The following HHAT variants were observed in gnomAD, a reference collection of about 807,000 sequenced individuals.
The protein encoded by HHAT is hedgehog acyltransferase, also known as protein-cysteine N-palmitoyltransferase HHAT.
A neutral mutation model predicts 70.8 loss-of-function variants in HHAT; 47 were observed. The ratio of observed to expected loss-of-function variants is 0.66; its 90% confidence interval spans 0.53 to 0.85. HHAT has a LOEUF of 0.85. Ranked by LOEUF, HHAT falls within the 40% of genes least tolerant of loss-of-function variation. The pLI, the probability that HHAT is intolerant of heterozygous loss-of-function variation, is 0.00. For missense variants in HHAT, 609 were observed against 604.8 expected (o/e 1.01, Z -0.07); for synonymous variants, 228 against 247.6 (o/e 0.92, Z 0.74).
intron 3 of HHAT, among the ~76,000 whole-genome samples, chr1:210,367,591 A>G (rs1427232762): frequency 2.0e-5 from 3 of 152,184 alleles, no homozygotes; most frequent in African/African-American, 7.2e-5. Context: ...ATGGTTAGAA[A>G]AGGGAAGAAT....
At chr1:210,445,371 CT>C (rs2093614723) in intron 7 of HHAT, among the ~76,000 whole-genome samples, 1 of 152,176 alleles carries the variant, frequency 6.6e-6, no homozygotes, top group African/African-American at 2.4e-5. Flanking sequence ...TTTCAACCTA[CT>C]TTGAAAGCTT....
chr1:210,340,242 G>GGGGGAAAAAAA (rs1553313987), intron 1 of HHAT, among the ~76,000 whole-genome samples: 1 of 99,784 alleles, frequency 1.0e-5, no homozygotes, highest in African/African-American at 3.4e-5. Flanking sequence ...CTCTGTCTCA[G>GGGGGAAAAAAA]AAAAAAAAAA....
At chr1:210,620,879 T>G (rs1668681601) in intron 10 of HHAT, among the ~76,000 whole-genome samples, 1 of 144,782 alleles carries the variant, frequency 6.9e-6, no homozygotes, top group Non-Finnish European at 1.5e-5. Flanking sequence ...CCTTCACAGT[T>G]GGTATGATTT....
chr1:210,643,282 C>G (rs887437995), intron 11 of HHAT, among the ~76,000 whole-genome samples: 4 of 152,140 alleles, frequency 2.6e-5, no homozygotes, highest in African/African-American at 9.7e-5. Flanking sequence ...TCGGAAACAT[C>G]TTGTCAGTTT....
intron 8 of HHAT, among the ~76,000 whole-genome samples, chr1:210,493,238 G>A (rs2094578614): frequency 1.3e-5 from 2 of 152,006 alleles, no homozygotes; most frequent in African/African-American, 4.8e-5. Context: ...GCACTCACAT[G>A]TATGTATGTG....
chr1:210,613,572 T>C (rs4348784), intron 10 of HHAT, among the ~76,000 whole-genome samples: 104,224 of 152,058 alleles, frequency 0.69, 38,721 homozygotes, highest in East Asian at 0.94. Context: ...TTTGTTCTGC[T>C]TTTTCAAGGT....
chr1:210,499,966 T>G (rs376741698), intron 8 of HHAT, among the ~76,000 whole-genome samples: 37 of 152,322 alleles, frequency 2.4e-4, no homozygotes, highest in African/African-American at 8.9e-4. Flanking sequence ...TTTTCAAAAT[T>G]TGTAAGTATC....
At chr1:210,651,087 G>A (rs1675035250) in intron 11 of HHAT, among the ~76,000 whole-genome samples, 1 of 152,172 alleles carries the variant, frequency 6.6e-6, no homozygotes, top group African/African-American at 2.4e-5. Context: ...CTGATCACAG[G>A]AGAAAGAGAA....
chr1:210,527,060 G>A (rs1398266819), intron 9 of HHAT, among the ~76,000 whole-genome samples: 1 of 152,076 alleles, frequency 6.6e-6, no homozygotes, highest in Non-Finnish European at 1.5e-5. Context: ...AACTCTTGGT[G>A]GGCTTTTGGA....
intron 11 of HHAT, among the ~76,000 whole-genome samples, chr1:210,626,097 A>G (rs780623332): frequency 1.3e-5 from 2 of 152,176 alleles, no homozygotes; most frequent in African/African-American, 2.4e-5. Context: ...CAAGGGCGTA[A>G]AGATTGTATG....
At chr1:210,662,765 T>C (rs1473085061) in intron 11 of HHAT, among the ~76,000 whole-genome samples, 1 of 152,140 alleles carries the variant, frequency 6.6e-6, no homozygotes, top group Admixed American at 6.5e-5. Flanking sequence ...TGGAATGATT[T>C]TACTTCATGG....
At chr1:210,568,912 G>C (rs1013932186) in intron 9 of HHAT, among the ~76,000 whole-genome samples, 1 of 152,138 alleles carries the variant, frequency 6.6e-6, no homozygotes, top group Non-Finnish European at 1.5e-5. Flanking sequence ...ATCAGAAATG[G>C]GGCTCAGTTT....
At chr1:210,384,294 T>A (rs1558405490) in intron 3 of HHAT, among the ~76,000 whole-genome samples, 1 of 152,162 alleles carries the variant, frequency 6.6e-6, no homozygotes, top group Non-Finnish European at 1.5e-5. Flanking sequence ...AACGGGAGGA[T>A]GACTGCTCTG....
chr1:210,634,599 G>T (rs1671515854), intron 11 of HHAT, among the ~76,000 whole-genome samples: 1 of 152,148 alleles, frequency 6.6e-6, no homozygotes, highest in African/African-American at 2.4e-5. Context: ...GACAGTCATT[G>T]GGTTTCTTTT....
At chr1:210,378,307 A>G (rs79733016) in intron 3 of HHAT, among the ~76,000 whole-genome samples, 5,631 of 152,328 alleles carry the variant, frequency 0.037, 353 homozygotes, top group African/African-American at 0.13. Flanking sequence ...ACTCAGTGTA[A>G]TTAGAAATTA....
rs181504142 is a variant in HHAT at position 210,551,935 on chromosome 1, A to G, written c.1044-35963A>G. Among the ~76,000 whole-genome samples, 643 of 152,330 alleles carry G rather than the reference A, an allele frequency of 4.2e-3. 7 individuals carry two copies. Among genetic ancestry groups the G allele is most frequent in the African/African-American group, 0.014 (593 of 41,566 alleles). Reference sequence around the variant, plus strand: ...AGTGATGATTTTCTGCCAAGTGGCTAAAATAGAATCAGATTGGAACATGAG... The same window carrying G: ...AGTGATGATTTTCTGCCAAGTGGCTGAAATAGAATCAGATTGGAACATGAG... On this transcript the variant is annotated intron_variant, in intron 9 of 11. Coordinates refer to ENST00000261458, the MANE Select transcript of HHAT (RefSeq NM_018194.6).
At chr1:210,382,536 C>T (rs552074730) in intron 3 of HHAT, among the ~76,000 whole-genome samples, 26 of 152,276 alleles carry the variant, frequency 1.7e-4, no homozygotes, top group African/African-American at 5.5e-4. Flanking sequence ...AGTCAAGGTT[C>T]TTGCTCTCAG....
At position 210,380,088 on chromosome 1, in the gene HHAT, ATAGT is replaced by A. The variant is rs1189162214; in HGVS notation, c.160-7378_160-7375del. Among the ~76,000 whole-genome samples the A allele has an allele frequency of 2.0e-5, 3 of 152,338 alleles. No individual in the cohort carries two copies. In the East Asian group the frequency reaches 5.8e-4, roughly 29 times the overall value. ...CTGTGCTGATACCAGGTTCCTAAAA[ATAGT>A]TTGACTCATTGTATAATCATTCAAA... On this transcript the variant is annotated intron_variant, in intron 3 of 11. Coordinates refer to ENST00000261458, the MANE Select transcript of HHAT (RefSeq NM_018194.6).
intron 3 of HHAT, among the ~76,000 whole-genome samples, chr1:210,366,546 G>A (rs1025543875): frequency 5.9e-5 from 9 of 152,268 alleles, no homozygotes; most frequent in Admixed American, 5.9e-4. Flanking sequence ...AACCCGGGAG[G>A]TGGAGGTTGT....
Sources: gnomAD v4.1 joint callset for allele counts (sites outside exome capture counted in the v4.1 genomes callset) on GRCh38, gnomAD v4.1.1 for gene constraint, MANE v1.5 for transcripts, NCBI Gene and HGNC (gene_info 2026-07-23, HGNC 2026-07-21) for gene names.